NREP: variants seen among roughly 807,000 people sequenced by gnomAD.
NREP encodes the protein neuronal regeneration-related protein.
NREP carries 5 observed loss-of-function variants against 8.6 expected under a neutral mutation model. The ratio of observed to expected loss-of-function variants is 0.58; its 90% CI spans 0.30 to 1.22. The LOEUF is 1.22. Among genes scored for constraint, NREP ranks in the 50% most tolerant of loss-of-function variants. The pLI is 0.07. For missense variants in NREP, 86 were observed against 82.5 expected, an observed-to-expected ratio of 1.04 and a Z score of -0.17; for synonymous variants, 27 against 28.0, an observed-to-expected ratio of 0.96 and a Z score of 0.11.
chr5:111,747,965 T>G (rs1270095104), intron 2 of NREP, among the ~76,000 whole-genome samples: 4 of 152,180 alleles, frequency 2.6e-5, no homozygotes, highest in Non-Finnish European at 5.9e-5. Context: ...CAGGGCAGAT[T>G]TGGTCTACTG....
chr5:111,937,000 G>A (rs143814014), intron 2 of NREP, among the ~76,000 whole-genome samples: 2 of 152,032 alleles, frequency 1.3e-5, no homozygotes, highest in Non-Finnish European at 2.9e-5. Flanking sequence ...CCTTCACTAC[G>A]GTCCAGCATC....
chr5:111,950,360 C>A (rs1756120446), intron 2 of NREP, among the ~76,000 whole-genome samples: 1 of 152,096 alleles, frequency 6.6e-6, no homozygotes, highest in South Asian at 2.1e-4. Context: ...AAAACTGAAA[C>A]TGGACCCCTT....
At chr5:111,795,916 A>G (rs1474444055) in intron 2 of NREP, among the ~76,000 whole-genome samples, 1 of 152,232 alleles carries the variant, frequency 6.6e-6, no homozygotes, top group Non-Finnish European at 1.5e-5. Context: ...AGAAGCACTG[A>G]GGCAAAGCCA....
In NREP at chr5:111,734,785, C is replaced by G. The variant is rs537183935; in HGVS notation, c.81+645G>C. 3.5e-5 allele frequency: 24 copies of G among 689,234 alleles called. No individual in the cohort carries two copies. The East Asian group carries it at 5.7e-4, about 16-fold the overall frequency. 42.7% of individuals were successfully genotyped at this position (689,234 alleles called of 1,614,324 possible). A position where few individuals can be genotyped will look rare whatever the true frequency, so the allele number is the denominator to read the frequency against. The stretch of plus-strand genomic sequence containing the variant: ...CATTGGTTAAAAAGTATACTCTCCC[C>G]GCTTGAAGTCAAACAAGTATTCACC... On this transcript the variant is annotated intron_variant, in intron 3 of 3. Transcript: ENST00000257435.
chr5:111,878,645 G>A (rs187616225), intron 2 of NREP, among the ~76,000 whole-genome samples: 27 of 152,258 alleles, frequency 1.8e-4, no homozygotes, highest in East Asian at 9.6e-4. Context: ...TTTGTTTGCC[G>A]TTGTCTTAAA....
intron 2 of NREP, among the ~76,000 whole-genome samples, chr5:111,942,303 T>A (rs1204659331): frequency 5.5e-4 from 84 of 152,186 alleles, no homozygotes; most frequent in Admixed American, 5.4e-3. Context: ...TTCTGAATTT[T>A]CTCACTTAAA....
At chr5:111,834,564 T>C (rs1417410638) in intron 2 of NREP, among the ~76,000 whole-genome samples, 31 of 152,242 alleles carry the variant, frequency 2.0e-4, no homozygotes, top group Non-Finnish European at 1.5e-5. Flanking sequence ...ATTCCAGCTA[T>C]TGAAGCCATC....
At chr5:111,792,644 A>T (rs1307952190) in intron 2 of NREP, among the ~76,000 whole-genome samples, 3 of 152,236 alleles carry the variant, frequency 2.0e-5, no homozygotes, top group African/African-American at 4.8e-5. Flanking sequence ...TTTCAAAAAG[A>T]AAAATGGCTA....
intron 2 of NREP, among the ~76,000 whole-genome samples, chr5:111,910,593 G>A (rs1209530600): frequency 1.3e-5 from 2 of 152,008 alleles, no homozygotes; most frequent in African/African-American, 4.8e-5. Flanking sequence ...AAGGTGCTAA[G>A]GATAAAAAAT....
chr5:111,749,211 A>G (rs1750202108), intron 2 of NREP, among the ~76,000 whole-genome samples: 2 of 152,166 alleles, frequency 1.3e-5, no homozygotes, highest in African/African-American at 4.8e-5. Flanking sequence ...AGTTCTAAAC[A>G]TAGCAGGTGA....
chr5:111,753,336 AT>A (rs1561648741), intron 2 of NREP, among the ~76,000 whole-genome samples: 3 of 146,750 alleles, frequency 2.0e-5, no homozygotes, highest in African/African-American at 7.5e-5. Context: ...GATTTTATAT[AT>A]ATATATATAT....
chr5:111,761,006 G>C (rs551159644), upstream of NREP, among the ~76,000 whole-genome samples: 68 of 152,300 alleles, frequency 4.5e-4, no homozygotes, highest in Non-Finnish European at 2.8e-4. Context: ...CCAGTTCCAT[G>C]AGTCTGAGTT....
intron 2 of NREP, among the ~76,000 whole-genome samples, chr5:111,884,587 C>CAAAAATCCTCAATAAA (rs755521901): frequency 0.026 from 4,023 of 152,262 alleles, 78 homozygotes; most frequent in Non-Finnish European, 0.043. Context: ...AAAATACTGG[C>CAAAAATCCTCAATAAA]AAACCGAATC....
chr5:111,845,736 A>C (rs1753147030), intron 2 of NREP, among the ~76,000 whole-genome samples: 1 of 152,130 alleles, frequency 6.6e-6, no homozygotes, highest in African/African-American at 2.4e-5. Flanking sequence ...TCAAATTTTT[A>C]ATCTTTCACA....
intron 2 of NREP, among the ~76,000 whole-genome samples, chr5:111,737,627 A>C (rs761865836): frequency 2.0e-5 from 3 of 151,904 alleles, no homozygotes; most frequent in Non-Finnish European, 4.4e-5. Context: ...AAACCACCAA[A>C]GTCTAATTTG....
At chr5:111,804,204 T>C (rs969281714) in intron 2 of NREP, among the ~76,000 whole-genome samples, 2 of 152,088 alleles carry the variant, frequency 1.3e-5, no homozygotes, top group Non-Finnish European at 2.9e-5. Flanking sequence ...CATAATAGAA[T>C]AGAAAATTCA....
At chr5:111,883,733 T>TA (rs1181283724) in intron 2 of NREP, among the ~76,000 whole-genome samples, 2 of 151,872 alleles carry the variant, frequency 1.3e-5, no homozygotes, top group Admixed American at 6.6e-5. Context: ...ACTGGGTACA[T>TA]AAAAAAATGA....
intron 2 of NREP, among the ~76,000 whole-genome samples, chr5:111,854,475 G>C (rs772052808): frequency 9.9e-5 from 15 of 152,170 alleles, no homozygotes; most frequent in Non-Finnish European, 2.2e-4. Flanking sequence ...AGTAGTCTTT[G>C]TGAAGCTGTA....
intron 2 of NREP, among the ~76,000 whole-genome samples, chr5:111,900,966 T>C (rs892031876): frequency 2.0e-5 from 3 of 152,144 alleles, no homozygotes; most frequent in African/African-American, 7.2e-5. Flanking sequence ...TAAAGAAAAC[T>C]GCATGCCAGT....
Sources: gnomAD v4.1 joint callset for allele counts (sites outside exome capture counted in the v4.1 genomes callset) on GRCh38, gnomAD v4.1.1 for gene constraint, MANE v1.5 for transcripts, NCBI Gene and HGNC (gene_info 2026-07-23, HGNC 2026-07-21) for gene names.